The following KCNN2 variants were observed in gnomAD, a reference collection of about 807,000 sequenced individuals.
The protein encoded by KCNN2 is small conductance calcium-activated potassium channel protein 2.
A neutral mutation model predicts 55.5 loss-of-function variants in KCNN2; 24 were observed. The observed-to-expected ratio is 0.43, with a 90% CI of 0.31 to 0.61. KCNN2 has a LOEUF of 0.61. Ranked by LOEUF, KCNN2 falls within the 20% of genes least tolerant of loss-of-function variation. The pLI, the probability that KCNN2 is intolerant of heterozygous loss-of-function variation, is 0.08. For synonymous variants in KCNN2, 431 were observed against 336.1 expected, an observed-to-expected ratio of 1.28 and a Z score of -3.09; for missense variants, 754 against 853.6, an observed-to-expected ratio of 0.88 and a Z score of 1.45.
intron 2 of KCNN2, among the ~76,000 whole-genome samples, chr5:114,268,481 A>T (rs749680406): frequency 1.3e-5 from 2 of 152,298 alleles, no homozygotes; most frequent in Admixed American, 6.5e-5. Context: ...TTGCACTTTC[A>T]TGGCTAATAT....
chr5:114,140,763 A>C (rs533254356), intron 1 of KCNN2, among the ~76,000 whole-genome samples: 31 of 27,150 alleles, frequency 1.1e-3, no homozygotes, highest in African/African-American at 6.9e-3. Context: ...TGTCATCCTC[A>C]TTATTATTAT....
chr5:114,284,586 T>G (rs557393273), intron 2 of KCNN2, among the ~76,000 whole-genome samples: 4 of 152,262 alleles, frequency 2.6e-5, no homozygotes, highest in South Asian at 2.1e-4. Context: ...GGCACAGTCT[T>G]GGCTCACTGC....
chr5:114,441,347 ACCCTGTAG>A (rs1428515140), intron 3 of KCNN2, among the ~76,000 whole-genome samples: 1 of 152,162 alleles, frequency 6.6e-6, no homozygotes, highest in Admixed American at 6.6e-5. Context: ...CATATATTAA[ACCCTGTAG>A]CCAATAACTA....
At chr5:114,310,481 A>G (rs1756373732) in intron 2 of KCNN2, among the ~76,000 whole-genome samples, 1 of 152,224 alleles carries the variant, frequency 6.6e-6, no homozygotes, top group Non-Finnish European at 1.5e-5. Context: ...CTTGAATAAT[A>G]AACACAGGAT....
intron 2 of KCNN2, among the ~76,000 whole-genome samples, chr5:114,234,340 T>A (rs1754428304): frequency 6.6e-6 from 1 of 152,176 alleles, no homozygotes; most frequent in African/African-American, 2.4e-5. Context: ...TTGTGCGATG[T>A]GCGATGGTAA....
intron 2 of KCNN2, among the ~76,000 whole-genome samples, chr5:114,270,395 A>G (rs1755303528): frequency 6.6e-6 from 1 of 152,156 alleles, no homozygotes; most frequent in Non-Finnish European, 1.5e-5. Flanking sequence ...AATTTTCTCT[A>G]CATAGTAATA....
chr5:114,458,579 G>C (rs1170433507), intron 3 of KCNN2, among the ~76,000 whole-genome samples: 9 of 152,128 alleles, frequency 5.9e-5, no homozygotes. Context: ...GTAAGCATCT[G>C]TGACTATACA....
At chr5:114,412,605 A>T (rs1759171476) in intron 3 of KCNN2, among the ~76,000 whole-genome samples, 1 of 152,168 alleles carries the variant, frequency 6.6e-6, no homozygotes, top group South Asian at 2.1e-4. Context: ...CATAAGATGA[A>T]TGTGAAATAG....
intron 1 of KCNN2, among the ~76,000 whole-genome samples, chr5:114,163,206 T>A (rs1467295389): frequency 2.0e-5 from 3 of 152,174 alleles, no homozygotes; most frequent in Non-Finnish European, 4.4e-5. Context: ...ATAATGGGGT[T>A]TTCTAGATGT....
intron 1 of KCNN2, among the ~76,000 whole-genome samples, chr5:114,211,593 G>T (rs1753887090): frequency 6.6e-6 from 1 of 152,004 alleles, no homozygotes; most frequent in African/African-American, 2.4e-5. Context: ...AGATCAAAAA[G>T]ATAACTGTTG....
intron 1 of KCNN2, among the ~76,000 whole-genome samples, chr5:114,064,223 A>G (rs1367902239): frequency 6.6e-6 from 1 of 152,208 alleles, no homozygotes; most frequent in Admixed American, 6.5e-5. Context: ...AGTGCCTCTC[A>G]CTTTGTGCAG....
chr5:114,246,919 G>A (rs1044821252), intron 2 of KCNN2, among the ~76,000 whole-genome samples: 2 of 151,754 alleles, frequency 1.3e-5, no homozygotes, highest in Non-Finnish European at 2.9e-5. Context: ...GAAGGTAGAA[G>A]GAAACGAAGG....
At chr5:114,439,480 C>T (rs1382379030) in intron 3 of KCNN2, among the ~76,000 whole-genome samples, 1 of 152,098 alleles carries the variant, frequency 6.6e-6, no homozygotes, top group Non-Finnish European at 1.5e-5. Context: ...AAATGCTGGT[C>T]ATAATGGTGG....
intron 3 of KCNN2, among the ~76,000 whole-genome samples, chr5:114,454,136 C>T (rs1760814138): frequency 6.6e-6 from 1 of 152,134 alleles, no homozygotes; most frequent in African/African-American, 2.4e-5. Context: ...ATCCATGTCC[C>T]TGCAAAGGAC....
intron 1 of KCNN2, among the ~76,000 whole-genome samples, chr5:114,196,137 C>T (rs1264451364): frequency 1.8e-4 from 27 of 151,788 alleles, no homozygotes; most frequent in Admixed American, 1.7e-3. Flanking sequence ...AGTTTTTGCC[C>T]TCTATTCTAT....
intron 2 of KCNN2, among the ~76,000 whole-genome samples, chr5:114,396,688 A>G (rs13156919): frequency 0.12 from 18,103 of 151,902 alleles, 1,312 homozygotes; most frequent in South Asian, 0.21. Context: ...AGCTGGGACT[A>G]TAGGCACGCA....
At chr5:114,356,499 CTCAGTA>C (rs1331991527) in intron 2 of KCNN2, among the ~76,000 whole-genome samples, 1 of 152,116 alleles carries the variant, frequency 6.6e-6, no homozygotes, top group African/African-American at 2.4e-5. Flanking sequence ...TACTAGCAAA[CTCAGTA>C]TGAGTTTTAC....
intron 1 of KCNN2, among the ~76,000 whole-genome samples, chr5:114,160,853 C>T (rs1321064714): frequency 6.6e-6 from 1 of 152,010 alleles, no homozygotes; most frequent in Non-Finnish European, 1.5e-5. Context: ...TTTCCATTTG[C>T]TTGGTGGATC....
chr5:114,192,805 C>A (rs1190743023), intron 1 of KCNN2, among the ~76,000 whole-genome samples: 3 of 152,072 alleles, frequency 2.0e-5, no homozygotes, highest in African/African-American at 4.8e-5. Context: ...TCTGAAGCTA[C>A]GAACTGAGCT....
Sources: allele counts gnomAD v4.1 joint callset (sites outside exome capture counted in the v4.1 genomes callset), GRCh38; gene constraint gnomAD v4.1.1; transcripts MANE v1.5; gene names NCBI Gene and HGNC (gene_info 2026-07-23, HGNC 2026-07-21).